The following CTPS2 variants were observed in gnomAD, a reference collection of about 807,000 sequenced individuals.
The protein encoded by CTPS2 is CTP synthase II.
In CTPS2, 19 loss-of-function variants were observed where a neutral mutation model predicts 46.8. The ratio of observed to expected loss-of-function variants is 0.41; its 90% CI spans 0.28 to 0.60. The LOEUF (loss-of-function observed/expected upper bound fraction) is 0.60, where lower values mean the gene tolerates loss of function less well. Among genes scored for constraint, CTPS2 ranks in the 20% least tolerant of loss-of-function variants. The pLI is 0.35. For missense variants in CTPS2, 286 were observed against 447.6 expected (o/e 0.64, Z 3.26); for synonymous variants, 151 against 165.2 (o/e 0.91, Z 0.66).
At chrX:16,602,849 T>C (rs1335379999) in intron 17 of CTPS2, among the ~76,000 whole-genome samples, 1 of 111,754 alleles carries the variant, frequency 8.9e-6, no homozygotes, top group Non-Finnish European at 1.9e-5. Context: ...CTTAGTATTA[T>C]TATGGACTCA....
At chrX:16,702,587 G>T in intron 2 of CTPS2, 150 bp downstream of exon 2, 1 of 487,315 alleles carries the variant, frequency 2.1e-6, no homozygotes. Flanking sequence ...TATGAACAAT[G>T]TATCAATGAC....
chrX:16,682,368 C>T (rs754124033), intron 9 of CTPS2, among the ~76,000 whole-genome samples: 1 of 111,638 alleles, frequency 9.0e-6, no homozygotes, highest in Non-Finnish European at 1.9e-5. Flanking sequence ...GTCTGTAATC[C>T]CAGATACTCA....
chrX:16,629,781 G>A (rs1376427147), intron 14 of CTPS2, among the ~76,000 whole-genome samples: 1 of 111,915 alleles, frequency 8.9e-6, no homozygotes, highest in African/African-American at 3.2e-5. Context: ...CATTTGCAAT[G>A]CCATAAACTG....
rs149094341 is a variant in CTPS2, at chrX:16,644,637, T to C, written c.1297-5394A>G. On this transcript the variant is annotated intron_variant, in intron 13 of 18. Transcript: ENST00000359276. ...AGGATGGCCGTGGGCAAGTGGCCTC[T>C]AGAAGCTGGAAAAAGCAAGGAAATG... 4.5e-5 allele frequency among the ~76,000 whole-genome samples: 5 copies of C among 111,858 alleles called. No homozygotes were observed. In the East Asian group the frequency reaches 1.1e-3, roughly 25 times the overall value.
At chrX:16,712,794 G>A (rs1925562694), upstream of CTPS2, 1 of 112,423 alleles carries the variant, frequency 8.9e-6, no homozygotes, top group Non-Finnish European at 1.9e-5. Flanking sequence ...GGCAAGCCGA[G>A]ACCCTCGCTC....
intron 14 of CTPS2, among the ~76,000 whole-genome samples, chrX:16,623,718 T>C (rs908829369): frequency 9.4e-6 from 1 of 106,769 alleles, no homozygotes; most frequent in Non-Finnish European, 1.9e-5. Flanking sequence ...GCAATAAACA[T>C]GGGACTGCGA....
At chrX:16,639,352 C>T (rs942706409) in intron 13 of CTPS2, 109 bp from the exon 14 acceptor site, 10 of 584,077 alleles carry the variant, frequency 1.7e-5, no homozygotes, top group African/African-American at 1.6e-4. Context: ...GGTCCCTAAA[C>T]TATAACATTT....
rs138521205 is a variant in CTPS2 at position 16,628,692 on chromosome X, T to A, written c.1394-8360A>T. ...TTCATCACTTTCATTTGTTTTCCATTTAGTATTCTTACCTCATTCTTGGCA... is the reference window on the plus strand; with the variant it reads ...TTCATCACTTTCATTTGTTTTCCATATAGTATTCTTACCTCATTCTTGGCA... On this transcript the variant is annotated intron_variant, in intron 14 of 18. Transcript: ENST00000359276. Among the ~76,000 whole-genome samples, 770 of 111,863 alleles carry A rather than the reference T, an allele frequency of 6.9e-3. 11 individuals are homozygous for A. Among genetic ancestry groups the A allele is most frequent in the African/African-American group, 0.024 (743 of 30,816 alleles).
chrX:16,685,331 G>A (rs372056544), intron 8 of CTPS2, among the ~76,000 whole-genome samples: 9 of 111,547 alleles, frequency 8.1e-5, no homozygotes, highest in African/African-American at 2.9e-4. Context: ...TCCCAGGGGA[G>A]GAGTCACTGG....
chrX:16,667,731 TA>T lies in CTPS2; in HGVS notation c.1190-8del. On this transcript the variant is annotated splice_region_variant and splice_polypyrimidine_tract_variant and intron_variant, in intron 11 of 18. Transcript: ENST00000359276. ...TGCATCCCAAGACAAACTCCTATTT[TA>T]AAAAGCACATATGCAAAGCAAATGA... is the stretch of plus-strand genomic sequence containing the variant. 6 of 1,202,047 alleles carry T rather than the reference TA, an allele frequency of 5.0e-6. No homozygotes were observed. Among genetic ancestry groups the T allele is most frequent in the Non-Finnish European group, 6.8e-6 (6 of 888,041 alleles).
At chrX:16,639,778 AAAGAAAGAAAGAAAGAAAG>A (rs1311081338) in intron 13 of CTPS2, among the ~76,000 whole-genome samples, 4 of 14,591 alleles carry the variant, frequency 2.7e-4, no homozygotes, top group East Asian at 2.1e-3. Context: ...AAGGAAAAGA[AAAGAAAGAAAGAAAGAAAG>A]AAAGAAAGAA....
intron 13 of CTPS2, among the ~76,000 whole-genome samples, chrX:16,640,148 G>A (rs1323464264): frequency 1.8e-5 from 2 of 111,116 alleles, no homozygotes; most frequent in Non-Finnish European, 3.8e-5. Context: ...TGAAACCCTT[G>A]ACCTCATGGT....
intron 13 of CTPS2, among the ~76,000 whole-genome samples, chrX:16,644,785 C>T (rs1366897645): frequency 1.8e-5 from 2 of 112,516 alleles, no homozygotes; most frequent in African/African-American, 6.5e-5. Flanking sequence ...TTACAACAGC[C>T]ATAGGAATCT....
At chrX:16,651,155 C>G (rs761231811) in intron 13 of CTPS2, 1 of 1,156,351 alleles carries the variant, frequency 8.6e-7, no homozygotes, top group Non-Finnish European at 1.2e-6. Context: ...AGTGGCCATC[C>G]GCAGAGCCCA....
intron 17 of CTPS2, among the ~76,000 whole-genome samples, chrX:16,593,225 C>A (rs781394591): frequency 1.8e-5 from 2 of 111,028 alleles, no homozygotes; most frequent in Middle Eastern, 4.6e-3. Flanking sequence ...GTCAGGAGAT[C>A]GAGATCATCC....
At chrX:16,596,815 G>A (rs1279904300) in intron 17 of CTPS2, among the ~76,000 whole-genome samples, 3 of 106,649 alleles carry the variant, frequency 2.8e-5, no homozygotes, top group African/African-American at 1.1e-4. Context: ...CACCAACGGT[G>A]TAAAAGTGTT....
At chrX:16,613,792 T>G (rs1046646917) in intron 16 of CTPS2, among the ~76,000 whole-genome samples, 2 of 111,415 alleles carry the variant, frequency 1.8e-5, no homozygotes, top group East Asian at 5.6e-4. Context: ...GATCTCACTA[T>G]GTTGCCCACG....
intron 1 of CTPS2, among the ~76,000 whole-genome samples, chrX:16,707,898 C>T (rs1925145128): frequency 9.0e-6 from 1 of 111,482 alleles, no homozygotes; most frequent in Non-Finnish European, 1.9e-5. Context: ...AGGAGAATCA[C>T]TTGAAGCCGG....
chrX:16,604,397 A>G (rs1929850152), intron 17 of CTPS2, among the ~76,000 whole-genome samples: 1 of 112,784 alleles, frequency 8.9e-6, no homozygotes, highest in Non-Finnish European at 1.9e-5. Context: ...GACAAATAAA[A>G]ACTGGAAGTT....
Sources: gnomAD v4.1 joint callset for allele counts (sites outside exome capture counted in the v4.1 genomes callset) on GRCh38, gnomAD v4.1.1 for gene constraint, MANE v1.5 for transcripts, NCBI Gene and HGNC (gene_info 2026-07-23, HGNC 2026-07-21) for gene names.